PCDHA5: variants seen among roughly 807,000 people sequenced by gnomAD.
PCDHA5 encodes the protein protocadherin alpha 5.
Under a neutral mutation model 61.6 loss-of-function variants are expected in PCDHA5, and 43 were observed. The observed-to-expected ratio is 0.70, with a 90% CI of 0.55 to 0.90. The LOEUF (loss-of-function observed/expected upper bound fraction) is 0.90. Among genes scored for constraint, PCDHA5 ranks in the 40% least tolerant of loss-of-function variants. The pLI, the probability that PCDHA5 is intolerant of heterozygous loss-of-function variation, is 0.00. For missense variants in PCDHA5, 1,298 were observed against 1,222.7 expected, an observed-to-expected ratio of 1.06 and a Z score of -0.92; for synonymous variants, 627 against 543.9, an observed-to-expected ratio of 1.15 and a Z score of -2.13.
At chr5:140,883,528 C>T in intron 1 of PCDHA5, 1 of 1,614,248 alleles carries the variant, frequency 6.2e-7, no homozygotes, top group South Asian at 1.1e-5. Flanking sequence ...GCGTATCAGC[C>T]TATGAACTGG....
chr5:140,984,091 T>G (rs1357477287), intron 3 of PCDHA5, among the ~76,000 whole-genome samples: 1 of 152,204 alleles, frequency 6.6e-6, no homozygotes. Context: ...GAAGAAATGA[T>G]GGAGGAGGAA....
intron 1 of PCDHA5, chr5:140,835,770 T>G: frequency 6.2e-7 from 1 of 1,613,258 alleles, no homozygotes; most frequent in Non-Finnish European, 8.5e-7. Flanking sequence ...GTATACGGTG[T>G]TCGTGAAGGA....
intron 1 of PCDHA5, among the ~76,000 whole-genome samples, chr5:140,833,844 TAAC>T (rs1772686732): frequency 6.6e-6 from 1 of 152,198 alleles, no homozygotes; most frequent in African/African-American, 2.4e-5. Flanking sequence ...GGATTTTTCT[TAAC>T]AAGCGATACT....
chr5:140,966,818 C>G (rs1376177382), intron 1 of PCDHA5: 1 of 1,554,298 alleles, frequency 6.4e-7, no homozygotes, highest in Admixed American at 1.9e-5. Context: ...ACGGCTCCGG[C>G]GGCCCATGCC....
intron 1 of PCDHA5, among the ~76,000 whole-genome samples, chr5:140,938,344 G>A (rs569264531): frequency 6.6e-6 from 1 of 152,264 alleles, no homozygotes; most frequent in Non-Finnish European, 1.5e-5. Context: ...GGATAATCTT[G>A]TCTTATTCCT....
rs143656335 is a variant in PCDHA5, at chr5:140,968,986, A to G, written c.2353-9963A>G. 244 of 1,614,206 alleles carry G rather than the reference A, an allele frequency of 1.5e-4. No individual in the cohort carries two copies. In the African/African-American group the frequency reaches 3.0e-3, roughly 20 times the overall value. On this transcript the variant is annotated intron_variant, in intron 1 of 3. Transcript: ENST00000529859. ...ACCGCTACACTGCGTATGGCACTGC[A>G]TGCTGTGGAGGCTTCTGTGGAGTAA...
chr5:140,950,671 A>G (rs1222424193), intron 1 of PCDHA5, among the ~76,000 whole-genome samples: 2 of 152,074 alleles, frequency 1.3e-5, no homozygotes, highest in Non-Finnish European at 2.9e-5. Context: ...TCAAACATGT[A>G]CATGTATATT....
Position 140,822,397 on chromosome 5 carries a change from C to A in PCDHA5, c.622C>A (p.Arg208Ser). The A allele has an allele frequency of 6.2e-7, 1 of 1,613,980 alleles. No homozygotes were observed. Among genetic ancestry groups the A allele is most frequent in the Non-Finnish European group, 8.5e-7 (1 of 1,180,010 alleles). Reference protein sequence around the residue: ...SLDREETQEHRLLVIATDGGK... With the variant: ...SLDREETQEHSLLVIATDGGK... ...AGATAGAGAAGAAACACAAGAACAC[C>A]GTTTATTAGTGATTGCAACTGATGG... The change falls in exon 1 of 4, where the codon CGT becomes AGT. Residue 208 changes from arginine to serine, a missense_variant. Arg to Ser is a moderately radical substitution (Grantham distance 110). Transcript: ENST00000529859.
intron 1 of PCDHA5, among the ~76,000 whole-genome samples, chr5:140,878,533 CA>C (rs2057632489): frequency 6.6e-6 from 1 of 152,156 alleles, no homozygotes; most frequent in Admixed American, 6.5e-5. Context: ...AACTGTGGCT[CA>C]AACCAGTTTC....
rs1554213921 is a variant in PCDHA5 at position 140,941,202 on chromosome 5, C to CTTTCTTTCTTTCTTTCTTT, written c.2353-37747_2353-37746insTTTCTTTCTTTCTTTCTTT. ...TCCTGCTTCTTTTTTTTTCTTTCTT[C>CTTTCTTTCTTTCTTTCTTT]CTTTCTTTCTTCCTTTCTTTCTTTC... On this transcript the variant is annotated intron_variant, in intron 1 of 3. Coordinates refer to ENST00000529859, the MANE Select transcript of PCDHA5 (RefSeq NM_018908.3). Among the ~76,000 whole-genome samples the CTTTCTTTCTTTCTTTCTTT allele has an allele frequency of 8.2e-4, 101 of 122,784 alleles. 3 individuals carry two copies. Among genetic ancestry groups the CTTTCTTTCTTTCTTTCTTT allele is most frequent in the East Asian group, 3.5e-3 (16 of 4,514 alleles). The allele number at this position is 122,784 out of a possible 152,430, so 80.6% of individuals were successfully genotyped here. A position where few individuals can be genotyped will look rare whatever the true frequency, so the allele number is the denominator to read the frequency against.
chr5:140,871,393 C>T (rs782354799), intron 1 of PCDHA5: 1 of 1,614,130 alleles, frequency 6.2e-7, no homozygotes, highest in Non-Finnish European at 8.5e-7. Context: ...GGAGGGCCCA[C>T]CTAAGACGGA....
Position 140,858,030 on chromosome 5 carries a change from C to T in PCDHA5, c.2352+33903C>T, listed in dbSNP as rs534379807. 197 of 1,597,024 alleles carry T rather than the reference C, an allele frequency of 1.2e-4. 17 individuals are homozygous for T. Among genetic ancestry groups the T allele is most frequent in the Middle Eastern group, 3.3e-4 (2 of 5,996 alleles). On this transcript the variant is annotated intron_variant, in intron 1 of 3. Coordinates refer to ENST00000529859, the MANE Select transcript of PCDHA5 (RefSeq NM_018908.3). ...CATGGCGAGCCGTCGCTGACGGCCA[C>T]GGCCACTGTGCTTGTGTCGCTTGTG...
intron 1 of PCDHA5, among the ~76,000 whole-genome samples, chr5:140,855,007 T>C (rs1224641648): frequency 6.7e-6 from 1 of 149,970 alleles, no homozygotes; most frequent in Non-Finnish European, 1.5e-5. Context: ...TAAGATATTA[T>C]AAAATGAAAC....
At chr5:140,947,341 A>C (rs1159995588) in intron 1 of PCDHA5, among the ~76,000 whole-genome samples, 1 of 151,806 alleles carries the variant, frequency 6.6e-6, no homozygotes, top group East Asian at 1.9e-4. Context: ...TGTGGGCTTA[A>C]TTCTGGACTC....
intron 1 of PCDHA5, among the ~76,000 whole-genome samples, chr5:140,874,611 C>T (rs1274309771): frequency 6.6e-6 from 1 of 152,220 alleles, no homozygotes; most frequent in African/African-American, 2.4e-5. Flanking sequence ...GAGGCTTCAA[C>T]TAAACATTTT....
chr5:140,989,253 G>C (rs886150768), intron 3 of PCDHA5, among the ~76,000 whole-genome samples: 1 of 152,194 alleles, frequency 6.6e-6, no homozygotes, highest in Non-Finnish European at 1.5e-5. Flanking sequence ...CTTGTCAAAA[G>C]GGAGATTCAA....
intron 1 of PCDHA5, chr5:140,967,124 A>G (rs782387198): frequency 1.2e-6 from 2 of 1,612,200 alleles, no homozygotes; most frequent in South Asian, 2.2e-5. Context: ...CTGCCTGCTC[A>G]GCTTGGAAGT....
At chr5:140,905,622 T>G (rs962403940) in intron 1 of PCDHA5, among the ~76,000 whole-genome samples, 3 of 152,236 alleles carry the variant, frequency 2.0e-5, no homozygotes, top group Non-Finnish European at 4.4e-5. Context: ...AGATTGCTTT[T>G]GACAGTATGG....
chr5:140,885,041 T>C (rs2060440056), intron 1 of PCDHA5, among the ~76,000 whole-genome samples: 1 of 152,250 alleles, frequency 6.6e-6, no homozygotes, highest in Non-Finnish European at 1.5e-5. Flanking sequence ...ATTTTTAGTT[T>C]AATGTATACA....
Sources: gnomAD v4.1 joint callset for allele counts (sites outside exome capture counted in the v4.1 genomes callset) on GRCh38, gnomAD v4.1.1 for gene constraint, MANE v1.5 for transcripts, NCBI Gene and HGNC (gene_info 2026-07-23, HGNC 2026-07-21) for gene names.